Variants in AKAP13 observed in about 807,000 individuals in gnomAD.
The protein encoded by AKAP13 is A-kinase anchoring protein 13.
In AKAP13, 80 loss-of-function variants were observed where a neutral mutation model predicts 264.5. The observed-to-expected ratio is 0.30, with a 90% CI of 0.25 to 0.36. The LOEUF is 0.36. Ranked by LOEUF, AKAP13 falls within the 10% of genes least tolerant of loss-of-function variation. The pLI, the probability that AKAP13 is intolerant of heterozygous loss-of-function variation, is 1.00. For missense variants in AKAP13, 3,712 were observed against 3,435.2 expected (o/e 1.08, Z -2.01); for synonymous variants, 1,380 against 1,250.2 (o/e 1.10, Z -2.19).
chr15:85,505,558 A>G (rs4843064), intron 2 of AKAP13, among the ~76,000 whole-genome samples: 13,907 of 152,276 alleles, frequency 0.091, 847 homozygotes, highest in Middle Eastern at 0.18. Context: ...GTAACCTTAA[A>G]TGCCAAATAA....
intron 1 of AKAP13, among the ~76,000 whole-genome samples, chr15:85,430,528 T>A (rs1005146382): frequency 3.3e-5 from 5 of 152,170 alleles, no homozygotes; most frequent in African/African-American, 1.2e-4. Flanking sequence ...TGGGTTTGTT[T>A]CTTAAAGGCT....
At chr15:85,722,986 G>A (rs988335877) in intron 25 of AKAP13, 86 bp from the exon 26 acceptor site, 24 of 1,519,816 alleles carry the variant, frequency 1.6e-5, no homozygotes, top group Non-Finnish European at 2.1e-5. Flanking sequence ...GGGAAAAGAT[G>A]ATATGGAGTG....
At chr15:85,509,103 G>A (rs1379140079) in intron 2 of AKAP13, among the ~76,000 whole-genome samples, 1 of 152,090 alleles carries the variant, frequency 6.6e-6, no homozygotes, top group East Asian at 1.9e-4. Context: ...CATGTTTGAG[G>A]CCTAGTTCTT....
In AKAP13 at chr15:85,547,432, C is replaced by T. The variant is rs144213489; in HGVS notation, c.662+3477C>T. On this transcript the variant is annotated intron_variant, in intron 5 of 36. Coordinates refer to ENST00000394518, the MANE Select transcript of AKAP13 (RefSeq NM_007200.5). ...TTTGATAAAGCAAGTCTTACTTCTG[C>T]GAAAATTATGATTAGCCATTCTTGG... Among the ~76,000 whole-genome samples, 37 of 148,566 alleles carry T rather than the reference C, an allele frequency of 2.5e-4. No individual in the cohort carries two copies. The East Asian group carries it at 6.2e-3, about 25-fold the overall frequency.
chr15:85,745,938 G>C lies in AKAP13; in HGVS notation c.*1261G>C, dbSNP rs2089355444. 6.6e-6 allele frequency: 1 copy of C among 152,524 alleles called. No homozygotes were observed. Among genetic ancestry groups the C allele is most frequent in the East Asian group, 1.9e-4 (1 of 5,198 alleles). 9.4% of individuals were successfully genotyped at this position (152,524 alleles called of 1,614,324 possible). A position where few individuals can be genotyped will look rare whatever the true frequency, so the allele number is the denominator to read the frequency against. ...CTGCCCCTGGAAGCAGATACAGATG[G>C]CTGCCTGCTGCTCGGCTTTGCTTTT... On this transcript the variant is annotated 3_prime_UTR_variant, in exon 37 of 37. Transcript: ENST00000394518.
In AKAP13 at chr15:85,415,148, T is replaced by TAA. The variant is rs888977280; in HGVS notation, c.-12+34358_-12+34359dup. On this transcript the variant is annotated intron_variant, in intron 1 of 36. Coordinates refer to ENST00000394518, the MANE Select transcript of AKAP13 (RefSeq NM_007200.5). ...CAGGAGTTTCAGAGGGAAATACCTT[T>TAA]AAAAAAAAATGAGATGTGACAGCAC... is the stretch of plus-strand genomic sequence containing the variant. 3.0e-5 allele frequency: 24 copies of TAA among 787,036 alleles called. No homozygotes were observed. In the East Asian group the frequency reaches 4.9e-4, roughly 16 times the overall value. The allele number at this position is 787,036 out of a possible 1,614,324, so 48.8% of individuals were successfully genotyped here.
rs768938704 is a variant in AKAP13, at chr15:85,735,020, A to C, written c.7311A>C (p.Gly2437=). The C allele has an allele frequency of 1.2e-6, 2 of 1,614,148 alleles. No homozygotes were observed. Among genetic ancestry groups the C allele is most frequent in the Non-Finnish European group, 1.7e-6 (2 of 1,180,006 alleles). The stretch of plus-strand genomic sequence containing the variant: ...AGATCCTTCAGGGTTTGGTGAGTGG[A>C]AATCTGGGAGGCACACTTGGGCCGA... ...EVEILQGLVS[G]NLGGTLGPTV... is the part of the protein sequence containing the mutation. Residue 2437 remains glycine, a synonymous_variant, in exon 31 of 37, where the codon GGA becomes GGC. Coordinates refer to ENST00000394518, the MANE Select transcript of AKAP13 (RefSeq NM_007200.5).
intron 2 of AKAP13, among the ~76,000 whole-genome samples, chr15:85,493,149 T>C (rs569229305): frequency 2.3e-4 from 35 of 152,350 alleles, no homozygotes; most frequent in Middle Eastern, 3.4e-3. Flanking sequence ...TAAGGGGGCG[T>C]TGTCTCTGCC....
chr15:85,465,152 ATG>A (rs796927251), intron 1 of AKAP13, among the ~76,000 whole-genome samples: 3,786 of 141,126 alleles, frequency 0.027, 152 homozygotes, highest in African/African-American at 0.095. Context: ...ACGGGGTTTC[ATG>A]TGTTAGCCAG....
chr15:85,416,966 G>A (rs1024142269), intron 1 of AKAP13, among the ~76,000 whole-genome samples: 1 of 152,170 alleles, frequency 6.6e-6, no homozygotes, highest in African/African-American at 2.4e-5. Context: ...ATATATTAGA[G>A]TAATATAAAT....
chr15:85,503,905 G>A (rs1471051485), intron 2 of AKAP13, among the ~76,000 whole-genome samples: 1 of 152,186 alleles, frequency 6.6e-6, no homozygotes, highest in Non-Finnish European at 1.5e-5. Context: ...TTGAGGAGAG[G>A]CTCTGTGAGG....
chr15:85,551,308 T>A (rs1173651337), intron 5 of AKAP13, among the ~76,000 whole-genome samples: 2 of 152,222 alleles, frequency 1.3e-5, no homozygotes, highest in African/African-American at 4.8e-5. Flanking sequence ...GAAGATAATA[T>A]TGTACTTATA....
intron 23 of AKAP13, among the ~76,000 whole-genome samples, chr15:85,720,260 CTGTGTGTGTGTGTG>C (rs71141479): frequency 6.6e-6 from 1 of 150,650 alleles, no homozygotes; most frequent in Non-Finnish European, 1.5e-5. Flanking sequence ...AAAACAAACT[CTGTGTGTGTGTGTG>C]TGTGTGTGTG....
At chr15:85,675,173 A>G (rs1452924959) in intron 14 of AKAP13, among the ~76,000 whole-genome samples, 1 of 152,182 alleles carries the variant, frequency 6.6e-6, no homozygotes, top group Non-Finnish European at 1.5e-5. Flanking sequence ...TGACACATGA[A>G]GGAGATGTTC....
intron 2 of AKAP13, among the ~76,000 whole-genome samples, chr15:85,510,055 A>G (rs2076368770): frequency 6.6e-6 from 1 of 152,224 alleles, no homozygotes; most frequent in African/African-American, 2.4e-5. Context: ...CAGGCAGTCA[A>G]GGGCCTCCTC....
At chr15:85,499,864 A>T (rs1032614644) in intron 2 of AKAP13, among the ~76,000 whole-genome samples, 1 of 152,004 alleles carries the variant, frequency 6.6e-6, no homozygotes, top group Non-Finnish European at 1.5e-5. Context: ...TTTTCCGTTT[A>T]TTATGTTCCT....
Position 85,735,100 on chromosome 15 carries a change from G to A in AKAP13, c.7391G>A (p.Arg2464Lys). The A allele has an allele frequency of 6.2e-7, 1 of 1,614,212 alleles. No individual in the cohort carries two copies. Among genetic ancestry groups the A allele is most frequent in the Non-Finnish European group, 8.5e-7 (1 of 1,180,034 alleles). ...GTCGGTCCCGTTTCCCTGCCCCGGA[G>A]AGCAGAGACCTTTGGAGGATTTGAC... ...DVVGPVSLPRRAETFGGFDSH... is the reference protein window; with the variant it reads ...DVVGPVSLPRKAETFGGFDSH... Residue 2464 changes from arginine (R) to lysine (K), a missense_variant, in exon 31 of 37, where the codon AGA becomes AAA. By Grantham distance (26) the Arg-to-Lys change is conservative. Around this residue, in one of 3 missense-constraint regions of AKAP13, gnomAD observed 611 missense variants for 539.3 expected, o/e 1.13. Coordinates refer to ENST00000394518, the MANE Select transcript of AKAP13 (RefSeq NM_007200.5).
In AKAP13 at chr15:85,455,102, T is replaced by C. The variant is rs147285513; in HGVS notation, c.-11-30608T>C. On this transcript the variant is annotated intron_variant, in intron 1 of 36. Coordinates refer to ENST00000394518, the MANE Select transcript of AKAP13 (RefSeq NM_007200.5). ...TCATCTTGGTGTATTGGGCCTCTCATGTCTGTCCTTGGTACATCCTTTTAG... is the reference window on the plus strand; with the variant it reads ...TCATCTTGGTGTATTGGGCCTCTCACGTCTGTCCTTGGTACATCCTTTTAG... Among the ~76,000 whole-genome samples, 942 of 152,368 alleles carry C rather than the reference T, an allele frequency of 6.2e-3. 5 individuals carry two copies. Among genetic ancestry groups the C allele is most frequent in the African/African-American group, 0.02 (846 of 41,576 alleles).
chr15:85,628,957 C>A (rs1194514849), intron 8 of AKAP13, among the ~76,000 whole-genome samples: 2 of 152,168 alleles, frequency 1.3e-5, no homozygotes, highest in African/African-American at 4.8e-5. Context: ...CTTTGGGAAG[C>A]CGAGGTGGGA....
Sources: allele counts gnomAD v4.1 joint callset (sites outside exome capture counted in the v4.1 genomes callset), GRCh38; gene constraint gnomAD v4.1.1; regional missense constraint gnomAD v4.1.1; transcripts MANE v1.5; gene names NCBI Gene and HGNC (gene_info 2026-07-23, HGNC 2026-07-21).